Variants in SEMA3F observed in about 807,000 individuals in gnomAD.
SEMA3F encodes the protein semaphorin 3F, also known as semaphorin-3F.
In SEMA3F, 30 loss-of-function variants were observed where a neutral mutation model predicts 98.5. The ratio of observed to expected loss-of-function variants is 0.30; its 90% CI spans 0.23 to 0.41. The LOEUF is 0.41. Among genes scored for constraint, SEMA3F ranks in the 10% least tolerant of loss-of-function variants. The pLI, the probability that SEMA3F is intolerant of heterozygous loss-of-function variation, is 1.00. For missense variants in SEMA3F, 866 were observed against 1,119.3 expected (o/e 0.77, Z 3.23); for synonymous variants, 380 against 444.8 (o/e 0.85, Z 1.83).
intron 17 of SEMA3F, 117 bp from the exon 18 acceptor site, chr3:50,186,496 C>T (rs1361287937): frequency 7.0e-7 from 1 of 1,426,460 alleles, no homozygotes. Context: ...TCCCTAGTTG[C>T]CCCATCAACA....
intron 1 of SEMA3F, chr3:50,159,330 G>A (rs1698115711): frequency 5.4e-6 from 2 of 370,394 alleles, no homozygotes; most frequent in Non-Finnish European, 9.5e-6. Context: ...ATGCCATGAG[G>A]GGTAGGGTTT....
chr3:50,179,722 C>T (rs953148183), intron 7 of SEMA3F, among the ~76,000 whole-genome samples: 4 of 152,238 alleles, frequency 2.6e-5, no homozygotes, highest in African/African-American at 9.6e-5. Context: ...TGCAGCTTCT[C>T]CATCAGCACT....
chr3:50,186,151 C>T, intron 16 of SEMA3F, 105 bp downstream of exon 16: 1 of 1,463,060 alleles, frequency 6.8e-7, no homozygotes, highest in Non-Finnish European at 9.4e-7. Context: ...TGATATTACC[C>T]TAGGGGAGTC....
intron 4 of SEMA3F, 48 bp downstream of exon 4, chr3:50,174,162 G>A: frequency 6.2e-7 from 1 of 1,613,990 alleles, no homozygotes; most frequent in South Asian, 1.1e-5. Flanking sequence ...CCACAGGTGG[G>A]AAGGTACTGC....
At chr3:50,168,397 C>G (rs1292357797) in intron 2 of SEMA3F, among the ~76,000 whole-genome samples, 1 of 152,142 alleles carries the variant, frequency 6.6e-6, no homozygotes, top group Non-Finnish European at 1.5e-5. Context: ...TGGTAAGTGC[C>G]CAAGAGTGGG....
At chr3:50,180,793 G>GC (rs1187958012) in intron 7 of SEMA3F, among the ~76,000 whole-genome samples, 1 of 152,160 alleles carries the variant, frequency 6.6e-6, no homozygotes, top group African/African-American at 2.4e-5. Flanking sequence ...TAGGCAAGGC[G>GC]CGGTGGCTCA....
intron 2 of SEMA3F, among the ~76,000 whole-genome samples, chr3:50,169,535 A>G (rs1405565161): frequency 3.3e-5 from 5 of 152,122 alleles, no homozygotes; most frequent in African/African-American, 1.2e-4. Flanking sequence ...GGGTGAGAGT[A>G]TGGGGGTGGG....
At chr3:50,175,056 TG>T in intron 5 of SEMA3F, 39 bp from the exon 6 acceptor site, 1 of 817,464 alleles carries the variant, frequency 1.2e-6, no homozygotes, top group Non-Finnish European at 2.0e-6. Flanking sequence ...CCCCAGCCCC[TG>T]CCACCCCCAG....
At position 50,174,341 on chromosome 3, in the gene SEMA3F, C is replaced by A; in HGVS notation, c.447C>A (p.Arg149=). The A allele has an allele frequency of 6.2e-7, 1 of 1,611,866 alleles. No individual in the cohort carries two copies. The highest frequency in any genetic ancestry group is 8.5e-7 in the Non-Finnish European group (1 of 1,179,262). The change falls in exon 5 of 19, where the codon CGC becomes CGA. Residue 149 remains arginine, a synonymous_variant. Transcript: ENST00000002829. Reference sequence around the variant, plus strand: ...TGTGCACCTATGTGAACCGCGGACGCCGCGCCCAGGTAAGCCCCAGCCACC... The same window carrying A: ...TGTGCACCTATGTGAACCGCGGACGACGCGCCCAGGTAAGCCCCAGCCACC... ...NPMCTYVNRG[R]RAQATPWTQT...
chr3:50,181,081 A>AG (rs1015453700), intron 7 of SEMA3F, among the ~76,000 whole-genome samples: 13 of 151,626 alleles, frequency 8.6e-5, no homozygotes, highest in Non-Finnish European at 1.3e-4. Context: ...AAAAAAAAAA[A>AG]GAAGAATTAC....
At chr3:50,175,301 C>G (rs999556745) in intron 6 of SEMA3F, 113 bp downstream of exon 6, 30 of 731,110 alleles carry the variant, frequency 4.1e-5, no homozygotes, top group Non-Finnish European at 6.7e-5. Flanking sequence ...CCTCTGTGCC[C>G]ACACCCTGTC....
At chr3:50,179,690 C>T (rs1698952004) in intron 7 of SEMA3F, among the ~76,000 whole-genome samples, 1 of 152,216 alleles carries the variant, frequency 6.6e-6, no homozygotes, top group East Asian at 1.9e-4. Context: ...ATGATCTTAT[C>T]TAAATCTTCT....
chr3:50,174,376 T>C, intron 5 of SEMA3F, 26 bp downstream of exon 5: 1 of 1,598,078 alleles, frequency 6.3e-7, no homozygotes, highest in Admixed American at 1.7e-5. Context: ...CCTGGCCCTG[T>C]GCTGCCCCCG....
chr3:50,178,862 C>T (rs1488820298), intron 7 of SEMA3F, among the ~76,000 whole-genome samples: 1 of 121,400 alleles, frequency 8.2e-6, no homozygotes, highest in Non-Finnish European at 1.6e-5. Context: ...GATGGAGTCT[C>T]GCTCTGTCGC....
rs1484238888 is a variant in SEMA3F at position 50,188,000 on chromosome 3, G to A, written c.2243G>A (p.Gly748Asp). The A allele has an allele frequency of 1.9e-6, 3 of 1,605,474 alleles. No individual in the cohort carries two copies. Among genetic ancestry groups the A allele is most frequent in the Middle Eastern group, 1.7e-4 (1 of 6,046 alleles). ...EVGLIHQYCQ[G>D]YWRHVPPSPR... Reference sequence around the variant, plus strand: ...GGCCTCATCCACCAGTACTGCCAGGGTTACTGGCGCCATGTGCCCCCCAGC... The same window carrying A: ...GGCCTCATCCACCAGTACTGCCAGGATTACTGGCGCCATGTGCCCCCCAGC... The change falls in exon 19 of 19, where the codon GGT (glycine) becomes GAT (aspartate). Residue 748 changes from glycine (G) to aspartate (D), a missense_variant. Gly to Asp is a moderately conservative substitution (Grantham distance 94). Coordinates refer to ENST00000002829, the MANE Select transcript of SEMA3F (RefSeq NM_004186.5).
At chr3:50,186,371 T>TG in intron 17 of SEMA3F, 23 bp downstream of exon 17, 2 of 1,609,416 alleles carry the variant, frequency 1.2e-6, no homozygotes, top group African/African-American at 1.3e-5. Flanking sequence ...GGCCTCACTG[T>TG]GGGGTGCTGC....
chr3:50,182,253 C>G lies in SEMA3F; in HGVS notation c.644-31C>G, dbSNP rs1170681697. 1 of 1,613,652 alleles carries G rather than the reference C, an allele frequency of 6.2e-7. No individual in the cohort carries two copies. The highest frequency in any genetic ancestry group is 1.3e-5 in the African/African-American group (1 of 74,900). ...GTGCCCTGGCCCTAGCAAACAGCAG[C>G]CCCCCAACTGACCCACTGGCCTACC... On this transcript the variant is annotated intron_variant, in intron 7 of 18. Transcript: ENST00000002829. The surrounding 1 kb of genome is among the most constrained non-coding windows in gnomAD (Gnocchi z 4.5).
intron 5 of SEMA3F, 135 bp downstream of exon 5, chr3:50,174,485 C>G (rs929453402): frequency 3.8e-6 from 4 of 1,053,310 alleles, no homozygotes; most frequent in Non-Finnish European, 4.1e-6. Flanking sequence ...CTTCTTTCAC[C>G]TCGCTGAGCC....
rs1404735974 is a variant in SEMA3F at position 50,182,001 on chromosome 3, C to T, written c.644-283C>T. ...TGTACAGTGGTGTTGGCAGCTCTTC[C>T]TGATTTTGCTTTCAGTGACCTCAGG... On this transcript the variant is annotated intron_variant, in intron 7 of 18. Coordinates refer to ENST00000002829, the MANE Select transcript of SEMA3F (RefSeq NM_004186.5). This position sits in a 1 kb window ranked among gnomAD's most constrained non-coding sequence, Gnocchi z 4.5. Among the ~76,000 whole-genome samples the T allele has an allele frequency of 6.6e-6, 1 of 152,224 alleles. No individual in the cohort carries two copies. The highest frequency in any genetic ancestry group is 2.4e-5 in the African/African-American group (1 of 41,452).
Sources: gnomAD v4.1 joint callset for allele counts (sites outside exome capture counted in the v4.1 genomes callset) on GRCh38, gnomAD v4.1.1 for gene constraint, Gnocchi (gnomAD v3.1) non-coding constraint, MANE v1.5 for transcripts, NCBI Gene and HGNC (gene_info 2026-07-23, HGNC 2026-07-21) for gene names.